The following FRMPD4 variants were observed in gnomAD, a reference collection of about 807,000 sequenced individuals.
The protein encoded by FRMPD4 is FERM and PDZ domain-containing protein 4.
A neutral mutation model predicts 94.1 loss-of-function variants in FRMPD4; 22 were observed. That is an observed-to-expected ratio of 0.23 (90% confidence interval 0.17 to 0.33). FRMPD4 has a LOEUF of 0.33. Among genes scored for constraint, FRMPD4 ranks in the 10% least tolerant of loss-of-function variants. FRMPD4 has a pLI of 1.00. For synonymous variants in FRMPD4, 631 were observed against 548.6 expected (o/e 1.15, Z -2.10); for missense variants, 1,111 against 1,339.9 (o/e 0.83, Z 2.67).
At chrX:12,124,447 G>C (rs748184852) in intron 3 of FRMPD4, among the ~76,000 whole-genome samples, 19 of 111,534 alleles carry the variant, frequency 1.7e-4, no homozygotes, top group African/African-American at 6.2e-4. Context: ...TTCATAATTT[G>C]AGACCTGAGG....
chrX:12,277,907 T>C (rs1013840410), intron 1 of FRMPD4, among the ~76,000 whole-genome samples: 4 of 112,330 alleles, frequency 3.6e-5, no homozygotes, highest in African/African-American at 1.3e-4. Context: ...AACTTTTGAC[T>C]AAGGTTTAAA....
intron 1 of FRMPD4, among the ~76,000 whole-genome samples, chrX:12,155,620 G>T (rs1389777124): frequency 9.9e-6 from 1 of 101,016 alleles, no homozygotes. Context: ...AGGACCAAAG[G>T]TAAGGAGACG....
In FRMPD4 at chrX:12,468,895, GT is replaced by G. The variant is rs1381455087; in HGVS notation, c.42-29782del. On this transcript the variant is annotated intron_variant, in intron 1 of 16. Coordinates refer to ENST00000675598, the MANE Select transcript of FRMPD4 (RefSeq NM_001368397.1). ...TATAAAGAAGTGTTGTACTGTGCCAGTTTCACATTGTACAGGGCACATTGGA... is the reference window on the plus strand; with the variant it reads ...TATAAAGAAGTGTTGTACTGTGCCAGTTCACATTGTACAGGGCACATTGGA... Among the ~76,000 whole-genome samples, 191 of 112,299 alleles carry G rather than the reference GT, an allele frequency of 1.7e-3. 1 individual carries two copies. The highest frequency in any genetic ancestry group is 5.9e-3 in the African/African-American group (182 of 30,918).
At chrX:12,547,292 T>A (rs958447233) in intron 2 of FRMPD4, among the ~76,000 whole-genome samples, 19 of 110,797 alleles carry the variant, frequency 1.7e-4, no homozygotes, top group Non-Finnish European at 3.4e-4. Flanking sequence ...CAGAGCCAAT[T>A]CAAACCCACA....
At chrX:12,236,625 A>G (rs761989502) in intron 1 of FRMPD4, among the ~76,000 whole-genome samples, 1 of 111,722 alleles carries the variant, frequency 9.0e-6, no homozygotes, top group Admixed American at 9.5e-5. Flanking sequence ...GTATGACAAT[A>G]ATAACCTCTA....
At chrX:12,234,179 G>GGT (rs1381570271) in intron 1 of FRMPD4, among the ~76,000 whole-genome samples, 2 of 110,346 alleles carry the variant, frequency 1.8e-5, no homozygotes, top group East Asian at 2.9e-4. Context: ...TGCAAGGGGA[G>GGT]GTGTGTGTGT....
chrX:12,679,295 G>T (rs1602310397), intron 5 of FRMPD4, among the ~76,000 whole-genome samples: 1 of 111,113 alleles, frequency 9.0e-6, no homozygotes, highest in African/African-American at 3.3e-5. Flanking sequence ...CAGGAGACAT[G>T]CGGGAAAAAG....
At chrX:11,973,497 T>C in intron 3 of FRMPD4, among the ~76,000 whole-genome samples, 1 of 111,597 alleles carries the variant, frequency 9.0e-6, no homozygotes, top group East Asian at 2.8e-4. Context: ...ACCCCTCCCC[T>C]ACTGAACCAG....
chrX:12,227,294 G>A (rs2147768877), intron 1 of FRMPD4, among the ~76,000 whole-genome samples: 1 of 111,101 alleles, frequency 9.0e-6, no homozygotes, highest in Non-Finnish European at 1.9e-5. Context: ...TTGCATGGCC[G>A]ATGGAGGCAC....
At chrX:12,419,644 C>G (rs2056856575) in intron 1 of FRMPD4, among the ~76,000 whole-genome samples, 1 of 111,224 alleles carries the variant, frequency 9.0e-6, no homozygotes, top group Non-Finnish European at 1.9e-5. Context: ...ACTCCCCAAC[C>G]CAGTCAAATC....
chrX:12,437,873 A>G lies in FRMPD4; in HGVS notation c.42-60807A>G, dbSNP rs774064600. On this transcript the variant is annotated intron_variant, in intron 1 of 16. Transcript: ENST00000675598. ...GAGAAATTAGTCATACTATTCATTCAGTTTCTTGGTTAGTTGTAATTTCAA... is the reference window on the plus strand; with the variant it reads ...GAGAAATTAGTCATACTATTCATTCGGTTTCTTGGTTAGTTGTAATTTCAA... Among the ~76,000 whole-genome samples the G allele has an allele frequency of 2.1e-4, 23 of 111,970 alleles. No homozygotes were observed. The South Asian group carries it at 5.2e-3, about 25-fold the overall frequency.
rs201495273 is a variant in FRMPD4 at position 12,194,426 on chromosome X, T to TA, written c.41+55426dup. ...CACATCACTGTTTTGTTCTAGTTAT[T>TA]AAAAAAAAAAAAGGTAGCAGAGGTG... On this transcript the variant is annotated intron_variant, in intron 1 of 16. Transcript: ENST00000675598. Among the ~76,000 whole-genome samples, 76 of 100,872 alleles carry TA rather than the reference T, an allele frequency of 7.5e-4. No individual in the cohort carries two copies. The South Asian group carries it at 0.01, about 13-fold the overall frequency. 87.6% of individuals were successfully genotyped at this position (100,872 alleles called of 115,157 possible).
At chrX:12,532,619 A>T (rs2058297169) in intron 2 of FRMPD4, among the ~76,000 whole-genome samples, 2 of 112,232 alleles carry the variant, frequency 1.8e-5, no homozygotes, top group African/African-American at 6.5e-5. Context: ...TTTGGTGCTT[A>T]TTAGACTCTC....
chrX:12,012,051 C>A (rs1272968358), intron 3 of FRMPD4, among the ~76,000 whole-genome samples: 1 of 110,242 alleles, frequency 9.1e-6, no homozygotes, highest in South Asian at 4.0e-4. Context: ...CAGGCGCACA[C>A]CACCACGCCC....
In FRMPD4 at chrX:12,436,980, A is replaced by G. The variant is rs191000998; in HGVS notation, c.42-61700A>G. 3.6e-5 allele frequency among the ~76,000 whole-genome samples: 4 copies of G among 112,225 alleles called. No individual in the cohort carries two copies. The Admixed American group carries it at 3.8e-4, about 11-fold the overall frequency. ...TAAAAAGCTGAAAATCTTTTAGTAC[A>G]TGAGTTTAACTGATTTATATTTGTT... On this transcript the variant is annotated intron_variant, in intron 1 of 16. Coordinates refer to ENST00000675598, the MANE Select transcript of FRMPD4 (RefSeq NM_001368397.1).
intron 1 of FRMPD4, among the ~76,000 whole-genome samples, chrX:12,381,165 G>T (rs968715223): frequency 8.9e-6 from 1 of 112,269 alleles, no homozygotes; most frequent in Non-Finnish European, 1.9e-5. Flanking sequence ...TGAAAGACAT[G>T]CCTGTGGGCT....
At chrX:12,189,788 A>T (rs1429868481) in intron 1 of FRMPD4, among the ~76,000 whole-genome samples, 1 of 111,588 alleles carries the variant, frequency 9.0e-6, no homozygotes, top group Non-Finnish European at 1.9e-5. Context: ...TAGTGGAGAA[A>T]AACTCAAAAC....
chrX:11,935,267 G>GTTTTT (rs1569129076), intron 3 of FRMPD4, among the ~76,000 whole-genome samples: 1 of 3,237 alleles, frequency 3.1e-4, no homozygotes, highest in Non-Finnish European at 5.2e-4. Context: ...TTTTTTTAAT[G>GTTTTT]TGTTTTTTTT....
chrX:12,533,354 T>C (rs1179736030), intron 2 of FRMPD4, among the ~76,000 whole-genome samples: 2 of 112,063 alleles, frequency 1.8e-5, no homozygotes, highest in South Asian at 3.7e-4. Flanking sequence ...CAGGTATGTC[T>C]TTATCAGCAG....
Sources: allele counts gnomAD v4.1 joint callset (sites outside exome capture counted in the v4.1 genomes callset), GRCh38; gene constraint gnomAD v4.1.1; transcripts MANE v1.5; gene names NCBI Gene and HGNC (gene_info 2026-07-23, HGNC 2026-07-21).